CDC14A: variants seen among roughly 807,000 people sequenced by gnomAD.
The protein encoded by CDC14A is cell division cycle 14A.
CDC14A carries 53 observed loss-of-function variants against 74.4 expected under a neutral mutation model. The ratio of observed to expected loss-of-function variants is 0.71; its 90% confidence interval spans 0.57 to 0.89. The LOEUF is 0.89. Among genes scored for constraint, CDC14A ranks in the 40% least tolerant of loss-of-function variants. CDC14A has a pLI of 0.00. For synonymous variants in CDC14A, 247 were observed against 258.4 expected (o/e 0.96, Z 0.43); for missense variants, 646 against 713.7 (o/e 0.91, Z 1.08).
rs767201440 is a variant in CDC14A at position 100,484,402 on chromosome 1, C to G, written c.1088C>G (p.Ser363Cys). 1.2e-6 allele frequency: 2 copies of G among 1,607,096 alleles called. No individual in the cohort carries two copies. The highest frequency in any genetic ancestry group is 2.2e-5 in the East Asian group (1 of 44,458). ...ATTCTTTCTGGCCTAGATGATATGT[C>G]TATTGGTGGAAATCTTTCAAAAACA... ...NKILSGLDDM[S>C]IGGNLSKTQN... is the part of the protein sequence containing the mutation. The change falls in exon 11 of 16, where the codon TCT (serine) becomes TGT (cysteine). Residue 363 changes from serine to cysteine, a missense_variant. By Grantham distance (112) the Ser-to-Cys change is moderately radical (BLOSUM62 -1). Transcript: ENST00000336454.
chr1:100,514,679 T>A (rs751849003), intron 15 of CDC14A, among the ~76,000 whole-genome samples: 3 of 152,326 alleles, frequency 2.0e-5, no homozygotes, highest in African/African-American at 4.8e-5. Context: ...CTCAGTTTCC[T>A]CATCTGTAAA....
chr1:100,485,226 T>A, intron 11 of CDC14A: 2 of 985,318 alleles, frequency 2.0e-6, no homozygotes, highest in Non-Finnish European at 2.4e-6. Flanking sequence ...CCCAGAAAAT[T>A]TGTGATTTGT....
intron 11 of CDC14A, chr1:100,485,694 C>T (rs1168456433): frequency 6.6e-6 from 1 of 152,222 alleles, no homozygotes; most frequent in Non-Finnish European, 1.5e-5. Context: ...AAGCTTAGCC[C>T]ACAAGGAGCC....
intron 11 of CDC14A, among the ~76,000 whole-genome samples, chr1:100,490,473 C>T (rs1670496201): frequency 6.6e-6 from 1 of 152,112 alleles, no homozygotes; most frequent in African/African-American, 2.4e-5. Context: ...GTACGGTTTA[C>T]ATTTTAGTAG....
chr1:100,373,271 G>C (rs1290503096), intron 2 of CDC14A, among the ~76,000 whole-genome samples: 1 of 152,218 alleles, frequency 6.6e-6, no homozygotes, highest in Non-Finnish European at 1.5e-5. Flanking sequence ...GAGGGAGAGA[G>C]ATGGGGGAAT....
intron 5 of CDC14A, among the ~76,000 whole-genome samples, chr1:100,427,505 A>G (rs1332488916): frequency 1.3e-5 from 2 of 152,086 alleles, no homozygotes; most frequent in East Asian, 1.9e-4. Context: ...AGCCTTCCTC[A>G]TTTTTCTGGA....
intron 10 of CDC14A, chr1:100,481,178 T>C (rs923282394): frequency 6.6e-6 from 1 of 152,252 alleles, no homozygotes; most frequent in South Asian, 2.1e-4. Flanking sequence ...ACAAAACAGA[T>C]TGGTACTCAA....
intron 2 of CDC14A, among the ~76,000 whole-genome samples, chr1:100,377,066 T>A (rs576819706): frequency 1.3e-5 from 2 of 149,258 alleles, no homozygotes; most frequent in South Asian, 2.1e-4. Flanking sequence ...GGAGTTTCAC[T>A]CTTGTTGCCC....
chr1:100,352,708 A>G lies in CDC14A; in HGVS notation c.-247A>G. 1 of 1,363,340 alleles carries G rather than the reference A, an allele frequency of 7.3e-7. No homozygotes were observed. The highest frequency in any genetic ancestry group is 9.4e-7 in the Non-Finnish European group (1 of 1,062,274). The allele number at this position is 1,363,340 out of a possible 1,614,324, so 84.5% of individuals were successfully genotyped here. ...GCTGCAGCAGCCGAGTCCAAATAGG[A>G]GCGGCCACAGCCAGGGGCGTGAGCG... On this transcript the variant is annotated 5_prime_UTR_variant, in exon 1 of 16. Transcript: ENST00000336454.
chr1:100,444,274 G>C (rs17122521), intron 7 of CDC14A, among the ~76,000 whole-genome samples: 3,009 of 152,170 alleles, frequency 0.02, 110 homozygotes, highest in African/African-American at 0.069. Flanking sequence ...CTCTGACTCA[G>C]GTCTCACGTC....
intron 7 of CDC14A, among the ~76,000 whole-genome samples, chr1:100,450,470 A>G (rs1279266184): frequency 1.3e-5 from 2 of 152,202 alleles, no homozygotes; most frequent in African/African-American, 4.8e-5. Flanking sequence ...GAATGCAAGT[A>G]TGTGGGCATG....
chr1:100,442,610 C>G (rs1280177500), intron 6 of CDC14A, among the ~76,000 whole-genome samples: 3 of 151,514 alleles, frequency 2.0e-5, no homozygotes, highest in African/African-American at 7.3e-5. Flanking sequence ...AGGTCTAGTT[C>G]CCAACAGGTT....
At chr1:100,345,295 GT>G (rs1307448403) in intron 1 of CDC14A, 1 of 152,158 alleles carries the variant, frequency 6.6e-6, no homozygotes, top group African/African-American at 2.4e-5. Flanking sequence ...TTGGAAACAA[GT>G]TAGTAGTTCT....
At chr1:100,407,628 A>T (rs975594482) in intron 4 of CDC14A, among the ~76,000 whole-genome samples, 1 of 152,162 alleles carries the variant, frequency 6.6e-6, no homozygotes, top group African/African-American at 2.4e-5. Context: ...TCCTAGATAT[A>T]GGATCATGTC....
chr1:100,352,092 T>G (rs1651109920), upstream of CDC14A, among the ~76,000 whole-genome samples: 1 of 151,522 alleles, frequency 6.6e-6, no homozygotes, highest in Non-Finnish European at 1.5e-5. Flanking sequence ...AAAAGAAATC[T>G]GGAGTGGGAC....
chr1:100,415,807 A>G (rs1222807191), intron 4 of CDC14A, among the ~76,000 whole-genome samples: 5 of 152,196 alleles, frequency 3.3e-5, no homozygotes, highest in South Asian at 2.1e-4. Context: ...GAATATTTCT[A>G]TTTCCACAAG....
chr1:100,507,201 A>G (rs1649315479), intron 15 of CDC14A, among the ~76,000 whole-genome samples: 1 of 152,062 alleles, frequency 6.6e-6, no homozygotes, highest in South Asian at 2.1e-4. Context: ...ATTTGCTCTC[A>G]TTTTTCTGGT....
chr1:100,377,675 A>T (rs755901891), intron 3 of CDC14A, 54 bp downstream of exon 3: 65 of 1,355,528 alleles, frequency 4.8e-5, no homozygotes, highest in East Asian at 1.6e-4. Flanking sequence ...GAACCATAGG[A>T]TCTGCTCAGT....
intron 5 of CDC14A, among the ~76,000 whole-genome samples, chr1:100,436,500 C>T (rs1571188782): frequency 6.6e-6 from 1 of 152,022 alleles, no homozygotes; most frequent in South Asian, 2.1e-4. Flanking sequence ...TCTTGGCTCA[C>T]TGCAACCTCT....
Sources: gnomAD v4.1 joint callset for allele counts (sites outside exome capture counted in the v4.1 genomes callset) on GRCh38, gnomAD v4.1.1 for gene constraint, MANE v1.5 for transcripts, NCBI Gene and HGNC (gene_info 2026-07-23, HGNC 2026-07-21) for gene names.